The following SYT16 variants were observed in gnomAD, a reference collection of about 807,000 sequenced individuals.
The protein encoded by SYT16 is synaptotagmin 16.
A neutral mutation model predicts 61.4 loss-of-function variants in SYT16; 42 were observed. That is an observed-to-expected ratio of 0.68 (90% CI 0.53 to 0.89). The LOEUF (loss-of-function observed/expected upper bound fraction) is 0.89, where lower values mean the gene tolerates loss of function less well. SYT16 is among the 40% of genes least tolerant of loss of function. SYT16 has a pLI of 0.00. For missense variants in SYT16, 804 were observed against 807.3 expected (o/e 1.00, Z 0.05); for synonymous variants, 314 against 302.3 (o/e 1.04, Z -0.40).
Position 61,828,066 on chromosome 14 carries a change from G to T in SYT16, c.-325+15256G>T, listed in dbSNP as rs114416572. Among the ~76,000 whole-genome samples, 383 of 152,336 alleles carry T rather than the reference G, an allele frequency of 2.5e-3. 1 individual carries two copies. Among genetic ancestry groups the T allele is most frequent in the African/African-American group, 8.9e-3 (372 of 41,572 alleles). On this transcript the variant is annotated intron_variant, in intron 1 of 7. Coordinates refer to ENST00000683842, the MANE Select transcript of SYT16 (RefSeq NM_001367656.1). ...GACTAGTGTCATTGTAAGAAGAGGA[G>T]ACTTGGACGCAGACACAGAGAGGAT... is the stretch of plus-strand genomic sequence containing the variant.
In SYT16 at chr14:62,102,252, CCTTACAGT is replaced by C. The variant is rs2057434818; in HGVS notation, c.*1546_*1553del. On this transcript the variant is annotated 3_prime_UTR_variant, in exon 8 of 8. Coordinates refer to ENST00000683842, the MANE Select transcript of SYT16 (RefSeq NM_001367656.1). ...GTAACACTTGAAGAACATATTTATT[CCTTACAGT>C]GTGTAATGGTTATCCTGACAAGACC... 6.6e-6 allele frequency: 1 copy of C among 152,152 alleles called. No homozygotes were observed. The highest frequency in any genetic ancestry group is 1.5e-5 in the Non-Finnish European group (1 of 68,022). The allele number at this position is 152,152 out of a possible 1,614,324, so 9.4% of individuals were successfully genotyped here.
At chr14:62,016,706 C>G (rs142150606) in intron 3 of SYT16, among the ~76,000 whole-genome samples, 25 of 152,036 alleles carry the variant, frequency 1.6e-4, no homozygotes, top group African/African-American at 6.0e-4. Flanking sequence ...GAACTAGACT[C>G]TGTCTCAAAA....
At chr14:61,843,291 T>G (rs1321622787) in intron 1 of SYT16, among the ~76,000 whole-genome samples, 1 of 152,248 alleles carries the variant, frequency 6.6e-6, no homozygotes, top group African/African-American at 2.4e-5. Flanking sequence ...AGGTGATATC[T>G]CACTGTAGTT....
chr14:62,052,334 A>G (rs772481009), intron 3 of SYT16, among the ~76,000 whole-genome samples: 1 of 152,200 alleles, frequency 6.6e-6, no homozygotes, highest in Non-Finnish European at 1.5e-5. Flanking sequence ...TGACCCATCA[A>G]TTATTTAAAA....
At chr14:61,874,720 A>C (rs2047432064) in intron 1 of SYT16, among the ~76,000 whole-genome samples, 1 of 152,138 alleles carries the variant, frequency 6.6e-6, no homozygotes, top group Admixed American at 6.5e-5. Context: ...CTTGTATTAA[A>C]TAGGCTAGTT....
At chr14:62,000,030 A>C (rs2052930683) in intron 3 of SYT16, among the ~76,000 whole-genome samples, 1 of 145,532 alleles carries the variant, frequency 6.9e-6, no homozygotes, top group Non-Finnish European at 1.5e-5. Context: ...TACTGGAGAG[A>C]GTATTCTATA....
chr14:62,086,932 T>G (rs2056906203), intron 7 of SYT16, among the ~76,000 whole-genome samples: 1 of 152,220 alleles, frequency 6.6e-6, no homozygotes, highest in Non-Finnish European at 1.5e-5. Flanking sequence ...AAAAGTTTTT[T>G]GTCTCTGTAG....
At chr14:62,038,354 C>A (rs2054590955) in intron 3 of SYT16, among the ~76,000 whole-genome samples, 1 of 151,678 alleles carries the variant, frequency 6.6e-6, no homozygotes, top group African/African-American at 2.4e-5. Context: ...GCAGCAAAAT[C>A]CATCAGGGGT....
intron 1 of SYT16, among the ~76,000 whole-genome samples, chr14:61,838,841 C>T (rs1291163682): frequency 1.3e-5 from 2 of 152,114 alleles, no homozygotes; most frequent in African/African-American, 4.8e-5. Context: ...ATTAATATCT[C>T]GATGAATCAT....
intron 1 of SYT16, among the ~76,000 whole-genome samples, chr14:61,874,403 C>G (rs1476651382): frequency 2.0e-5 from 3 of 152,160 alleles, no homozygotes; most frequent in African/African-American, 7.2e-5. Context: ...ACAGGGCCTA[C>G]TGCAGGACTT....
At chr14:62,037,339 T>C (rs963655261) in intron 3 of SYT16, among the ~76,000 whole-genome samples, 1 of 152,192 alleles carries the variant, frequency 6.6e-6, no homozygotes, top group Non-Finnish European at 1.5e-5. Flanking sequence ...TTTATATTAA[T>C]TTACCAATAA....
intron 1 of SYT16, among the ~76,000 whole-genome samples, chr14:61,815,370 C>A (rs2045396014): frequency 6.6e-6 from 1 of 152,170 alleles, no homozygotes; most frequent in Admixed American, 6.6e-5. Context: ...TGCCTTAGGG[C>A]TATAGCTGAG....
upstream of SYT16, chr14:61,812,372 C>G (rs217664): frequency 0.84 from 128,026 of 152,378 alleles, 54,015 homozygotes; most frequent in East Asian, 0.96. Context: ...AAAGGTGACT[C>G]GAAAACAAGG....
At chr14:61,954,941 TAA>T (rs1268175862) in intron 1 of SYT16, among the ~76,000 whole-genome samples, 1 of 152,282 alleles carries the variant, frequency 6.6e-6, no homozygotes, top group South Asian at 2.1e-4. Context: ...ATTATGATTT[TAA>T]AAAATATATA....
intron 3 of SYT16, among the ~76,000 whole-genome samples, chr14:62,009,900 T>C (rs926972371): frequency 6.6e-6 from 1 of 152,230 alleles, no homozygotes; most frequent in Non-Finnish European, 1.5e-5. Context: ...TTCTGATAAT[T>C]TGACTGCTTC....
At chr14:62,077,871 C>A (rs1701433363) in intron 5 of SYT16, among the ~76,000 whole-genome samples, 1 of 152,156 alleles carries the variant, frequency 6.6e-6, no homozygotes. Flanking sequence ...GAGCTCTACC[C>A]AGGACTCTCT....
At chr14:61,935,272 C>T (rs557426200) in intron 1 of SYT16, among the ~76,000 whole-genome samples, 21 of 152,144 alleles carry the variant, frequency 1.4e-4, no homozygotes, top group Non-Finnish European at 5.9e-5. Flanking sequence ...TGATTCACGC[C>T]GACAGTGGCT....
chr14:62,097,202 G>A (rs148404204), intron 7 of SYT16, among the ~76,000 whole-genome samples: 10 of 152,146 alleles, frequency 6.6e-5, no homozygotes, highest in East Asian at 1.9e-4. Flanking sequence ...TACAAGTGGC[G>A]TCTTCCTTTA....
intron 2 of SYT16, among the ~76,000 whole-genome samples, chr14:61,985,410 C>T (rs1437651067): frequency 6.6e-6 from 1 of 152,086 alleles, no homozygotes; most frequent in Admixed American, 6.6e-5. Flanking sequence ...GAAACATTTG[C>T]AATGAATTAG....
Sources: allele counts gnomAD v4.1 joint callset (sites outside exome capture counted in the v4.1 genomes callset), GRCh38; gene constraint gnomAD v4.1.1; transcripts MANE v1.5; gene names NCBI Gene and HGNC (gene_info 2026-07-23, HGNC 2026-07-21).